MYH10: variants seen among roughly 807,000 people sequenced by gnomAD.
MYH10 encodes the protein myosin-10.
A neutral mutation model predicts 257.8 loss-of-function variants in MYH10; 55 were observed. The observed-to-expected ratio is 0.21, with a 90% CI of 0.17 to 0.27. The LOEUF (loss-of-function observed/expected upper bound fraction) is 0.27, where lower values mean the gene tolerates loss of function less well. Ranked by LOEUF, MYH10 falls within the 10% of genes least tolerant of loss-of-function variation. The probability of loss-of-function intolerance (pLI) is 1.00; values close to 1 mark genes in which losing one functional copy is unlikely to be tolerated. For synonymous variants in MYH10, 854 were observed against 921.7 expected (o/e 0.93, Z 1.33); for missense variants, 1,631 against 2,500.6 (o/e 0.65, Z 7.42).
At chr17:8,628,194 A>G (rs1351334529) in intron 1 of MYH10, among the ~76,000 whole-genome samples, 2 of 152,220 alleles carry the variant, frequency 1.3e-5, no homozygotes, top group Non-Finnish European at 2.9e-5. Flanking sequence ...TCTTTTTGTT[A>G]GCGAACATAA....
At chr17:8,495,680 A>AGGACTCACTGCTGGAG (rs1916473516) in intron 30 of MYH10, among the ~76,000 whole-genome samples, 1 of 152,074 alleles carries the variant, frequency 6.6e-6, no homozygotes, top group South Asian at 2.1e-4. Flanking sequence ...ACATTCTTAT[A>AGGACTCACTGCTGGAG]GAACTTGAAG....
chr17:8,576,852 A>G (rs2083517757), intron 5 of MYH10, among the ~76,000 whole-genome samples, 180 bp from the exon 6 acceptor site: 1 of 152,168 alleles, frequency 6.6e-6, no homozygotes, highest in African/African-American at 2.4e-5. Flanking sequence ...AGGAGAACTG[A>G]CATTTCTATT....
At chr17:8,519,273 C>A (rs558981959) in intron 19 of MYH10, among the ~76,000 whole-genome samples, 1 of 152,236 alleles carries the variant, frequency 6.6e-6, no homozygotes, top group East Asian at 1.9e-4. Context: ...ATCCTTAAGA[C>A]GCAAAAGAGA....
At chr17:8,515,355 C>G (rs1408353861) in intron 21 of MYH10, among the ~76,000 whole-genome samples, 1 of 152,014 alleles carries the variant, frequency 6.6e-6, no homozygotes, top group Non-Finnish European at 1.5e-5. Context: ...TGTTTTAGAG[C>G]AAAAATTACC....
chr17:8,514,235 A>G (rs2081391275), intron 21 of MYH10, among the ~76,000 whole-genome samples: 1 of 152,212 alleles, frequency 6.6e-6, no homozygotes, highest in African/African-American at 2.4e-5. Context: ...GACTGTAGAC[A>G]GAAGGGCCCG....
rs1390814552 is a variant in MYH10, at chr17:8,504,860, G to A, written c.3433C>T (p.Arg1145Ter). 2 of 1,614,068 alleles carry A rather than the reference G, an allele frequency of 1.2e-6. No individual in the cohort carries two copies. The highest frequency in any genetic ancestry group is 1.7e-6 in the Non-Finnish European group (2 of 1,180,042). Residue 1145 changes from arginine to a stop codon, truncating the protein, a stop_gained, in exon 28 of 43, where the codon CGA (arginine) becomes TGA (stop). Coordinates refer to ENST00000360416, the MANE Select transcript of MYH10 (RefSeq NM_001256012.3). LOFTEE classifies it high-confidence loss of function. This position sits in a 1 kb window ranked among gnomAD's most constrained non-coding sequence, Gnocchi z 5.6. ...TCAGCAATTTGGGCTTGTAGCTCTC[G>A]CACAACTTTAAGGGCATTGTTCTTA... ...LHKNNALKVV[R>*]ELQAQIAELQ...
intron 13 of MYH10, among the ~76,000 whole-genome samples, chr17:8,543,479 G>GA (rs1316571459): frequency 7.1e-5 from 4 of 56,182 alleles, no homozygotes; most frequent in Admixed American, 3.0e-4. Flanking sequence ...TTACAAAGAA[G>GA]GTTTTTTTTT....
rs1484949472 is a variant in MYH10, at chr17:8,552,984, CATCTCAGAGAACGTGT to C, written c.821-856_821-841del. Among the ~76,000 whole-genome samples, 1 of 152,220 alleles carries C rather than the reference CATCTCAGAGAACGTGT, an allele frequency of 6.6e-6. No individual in the cohort carries two copies. Among genetic ancestry groups the C allele is most frequent in the African/African-American group, 2.4e-5 (1 of 41,452 alleles). ...TCCTATGGGTTGACAGTCACACCGG[CATCTCAGAGAACGTGT>C]ATCACAGCTTTGGAAGATGTTTGCC... On this transcript the variant is annotated intron_variant, in intron 8 of 42. Coordinates refer to ENST00000360416, the MANE Select transcript of MYH10 (RefSeq NM_001256012.3). This position sits in a 1 kb window ranked among gnomAD's most constrained non-coding sequence, Gnocchi z 4.8.
chr17:8,622,442 T>C (rs1346468840), intron 2 of MYH10, among the ~76,000 whole-genome samples: 1 of 152,202 alleles, frequency 6.6e-6, no homozygotes, highest in East Asian at 1.9e-4. Flanking sequence ...CATTCATCTT[T>C]CCTACTTCCC....
chr17:8,600,519 A>G (rs2084550110), intron 3 of MYH10, among the ~76,000 whole-genome samples: 1 of 152,220 alleles, frequency 6.6e-6, no homozygotes, highest in South Asian at 2.1e-4. Context: ...GCATCACCAT[A>G]GATGTTGGTG....
intron 4 of MYH10, among the ~76,000 whole-genome samples, chr17:8,582,667 A>G (rs1029993863): frequency 6.6e-6 from 1 of 152,242 alleles, no homozygotes; most frequent in Non-Finnish European, 1.5e-5. Context: ...ATAGGTCTAC[A>G]GCTTTGGCTT....
intron 11 of MYH10, 70 bp from the exon 12 acceptor site, chr17:8,546,732 C>A: frequency 8.7e-7 from 1 of 1,146,620 alleles, no homozygotes; most frequent in Non-Finnish European, 1.3e-6. Context: ...ATTCAATAAA[C>A]ACTGGAAAAA....
chr17:8,486,097 C>T lies in MYH10; in HGVS notation c.5046+1336G>A, dbSNP rs193042566. Among the ~76,000 whole-genome samples the T allele has an allele frequency of 3.2e-3, 483 of 152,222 alleles. 3 individuals are homozygous for T. The highest frequency in any genetic ancestry group is 0.011 in the African/African-American group (462 of 41,540). ...CAAAAGGCCACATATTGTATGATTC[C>T]ACTGATATGAAATATGGAACAAAGG... On this transcript the variant is annotated intron_variant, in intron 36 of 42. Coordinates refer to ENST00000360416, the MANE Select transcript of MYH10 (RefSeq NM_001256012.3).
intron 3 of MYH10, among the ~76,000 whole-genome samples, chr17:8,596,065 G>A (rs2084357225): frequency 6.6e-6 from 1 of 151,346 alleles, no homozygotes; most frequent in Non-Finnish European, 1.5e-5. Context: ...GCATATGAGT[G>A]TATTAGGCTC....
chr17:8,621,939 T>G (rs894921038), intron 2 of MYH10, among the ~76,000 whole-genome samples: 3 of 152,186 alleles, frequency 2.0e-5, no homozygotes, highest in African/African-American at 7.2e-5. Flanking sequence ...ACCTGGCCTG[T>G]CTTCTTCACT....
chr17:8,492,491 T>C lies in MYH10; in HGVS notation c.4477A>G (p.Ser1493Gly). The change falls in exon 34 of 43, where the codon AGC (serine) becomes GGC (glycine). Residue 1493 changes from serine to glycine, a missense_variant. Coordinates refer to ENST00000360416, the MANE Select transcript of MYH10 (RefSeq NM_001256012.3). ...TCTTCGGCATAGCGAGCAGAGATGC[T>C]CTTCTCTTCTGCTAACAGCTGTGCA... ...KFDQLLAEEK[S>G]ISARYAEERD... is the part of the protein sequence containing the mutation. 3 of 1,611,850 alleles carry C rather than the reference T, an allele frequency of 1.9e-6. No individual in the cohort carries two copies. Among genetic ancestry groups the C allele is most frequent in the Non-Finnish European group, 2.5e-6 (3 of 1,179,778 alleles).
chr17:8,595,261 AG>A (rs1039728115), intron 3 of MYH10, among the ~76,000 whole-genome samples: 3 of 152,128 alleles, frequency 2.0e-5, no homozygotes, highest in African/African-American at 7.2e-5. Flanking sequence ...GTGATTCATA[AG>A]AAACCTAATG....
chr17:8,511,063 C>CATAT, intron 24 of MYH10: 1 of 71,138 alleles, frequency 1.4e-5, no homozygotes, highest in South Asian at 4.4e-4. Context: ...TATATATACA[C>CATAT]ACATACATAC....
At chr17:8,601,982 T>C (rs1266287762) in intron 3 of MYH10, among the ~76,000 whole-genome samples, 1 of 151,052 alleles carries the variant, frequency 6.6e-6, no homozygotes. Context: ...AGAATCTTTT[T>C]TTTTTTTTTT....
Sources: allele counts gnomAD v4.1 joint callset (sites outside exome capture counted in the v4.1 genomes callset), GRCh38; gene constraint gnomAD v4.1.1; non-coding constraint Gnocchi (gnomAD v3.1); transcripts MANE v1.5; gene names NCBI Gene and HGNC (gene_info 2026-07-23, HGNC 2026-07-21).